Variants in FAM13A observed in about 807,000 individuals in gnomAD.
The protein encoded by FAM13A is protein FAM13A.
FAM13A carries 76 observed loss-of-function variants against 129.6 expected under a neutral mutation model. The ratio of observed to expected loss-of-function variants is 0.59; its 90% confidence interval spans 0.49 to 0.71. The LOEUF (loss-of-function observed/expected upper bound fraction) is 0.71, where lower values mean the gene tolerates loss of function less well. FAM13A is among the 30% of genes least tolerant of loss of function. The probability of loss-of-function intolerance (pLI) is 0.00; values close to 1 mark genes in which losing one functional copy is unlikely to be tolerated. For synonymous variants in FAM13A, 443 were observed against 449.9 expected (o/e 0.98, Z 0.20); for missense variants, 1,108 against 1,249.3 (o/e 0.89, Z 1.70).
intron 7 of FAM13A, chr4:88,823,255 TGTTCCA>T: frequency 7.8e-7 from 1 of 1,283,022 alleles, no homozygotes; most frequent in Non-Finnish European, 9.9e-7. Flanking sequence ...TTTGACCTTT[TGTTCCA>T]GGGAAGCAGC....
chr4:88,920,982 G>A (rs1455385988), intron 5 of FAM13A, among the ~76,000 whole-genome samples: 6 of 151,986 alleles, frequency 3.9e-5, no homozygotes, highest in South Asian at 2.1e-4. Context: ...GAAATGAAGC[G>A]AGAAGGGAAG....
intron 5 of FAM13A, among the ~76,000 whole-genome samples, chr4:88,934,861 A>G (rs1753600678): frequency 6.6e-6 from 1 of 152,216 alleles, no homozygotes; most frequent in African/African-American, 2.4e-5. Flanking sequence ...CAACATATAC[A>G]TTCTCATATT....
chr4:88,729,992 T>G (rs1737298953), intron 23 of FAM13A: 1 of 152,204 alleles, frequency 6.6e-6, no homozygotes, highest in Non-Finnish European at 1.5e-5. Flanking sequence ...GAAAAGCAAG[T>G]GTTTAGGTAT....
chr4:88,899,523 T>G (rs1315161466), intron 6 of FAM13A, among the ~76,000 whole-genome samples: 1 of 151,380 alleles, frequency 6.6e-6, no homozygotes, highest in East Asian at 1.9e-4. Context: ...ATAAATGTCA[T>G]GGTGGCTAGT....
intron 6 of FAM13A, among the ~76,000 whole-genome samples, chr4:88,876,112 T>A (rs528208496): frequency 2.6e-5 from 4 of 151,638 alleles, no homozygotes; most frequent in African/African-American, 4.9e-5. Context: ...GGACACAGGG[T>A]GGGGAACATC....
At chr4:88,888,391 T>C (rs1744786027) in intron 6 of FAM13A, among the ~76,000 whole-genome samples, 1 of 152,174 alleles carries the variant, frequency 6.6e-6, no homozygotes, top group South Asian at 2.1e-4. Context: ...AGTGAGAGGA[T>C]TTCTCTTGAG....
At chr4:88,753,595 A>G (rs1743068732) in intron 14 of FAM13A, 1 of 801,120 alleles carries the variant, frequency 1.2e-6, no homozygotes, top group Non-Finnish European at 1.5e-6. Context: ...AAGGTTTCTC[A>G]TCTATGCAAC....
At chr4:88,962,051 G>C (rs779331326) in intron 4 of FAM13A, among the ~76,000 whole-genome samples, 1 of 151,548 alleles carries the variant, frequency 6.6e-6, no homozygotes, top group African/African-American at 2.4e-5. Flanking sequence ...GTCAGGGAAA[G>C]AAGGTAACTA....
At chr4:88,969,486 T>C (rs1469159062) in intron 4 of FAM13A, among the ~76,000 whole-genome samples, 5 of 152,170 alleles carry the variant, frequency 3.3e-5, no homozygotes, top group African/African-American at 1.2e-4. Context: ...AAGGTCAGGA[T>C]GGGAAAATAA....
intron 5 of FAM13A, among the ~76,000 whole-genome samples, chr4:88,925,542 C>T (rs1420616372): frequency 9.3e-6 from 1 of 107,626 alleles, no homozygotes; most frequent in Non-Finnish European, 1.8e-5. Flanking sequence ...ACATCACACT[C>T]TGGGGACTGT....
chr4:89,009,423 A>G lies in FAM13A; in HGVS notation c.427+11037T>C, dbSNP rs368589975. Reference sequence around the variant, plus strand: ...CTTCCTTGGGCTGTAATAAGCTATAATCAATCAAATTGCTATAATGTATGT... The same window carrying G: ...CTTCCTTGGGCTGTAATAAGCTATAGTCAATCAAATTGCTATAATGTATGT... On this transcript the variant is annotated intron_variant, in intron 3 of 23. Transcript: ENST00000264344. 1.8e-4 allele frequency among the ~76,000 whole-genome samples: 28 copies of G among 152,322 alleles called. No homozygotes were observed. In the South Asian group the frequency reaches 4.8e-3, roughly 26 times the overall value.
intron 5 of FAM13A, among the ~76,000 whole-genome samples, chr4:88,927,061 G>A (rs1032284735): frequency 1.8e-4 from 27 of 151,816 alleles, no homozygotes; most frequent in Admixed American, 1.6e-3. Flanking sequence ...CTTTGTTATC[G>A]TGAACAGTGC....
At chr4:88,977,987 G>T (rs1411097180) in intron 4 of FAM13A, among the ~76,000 whole-genome samples, 6 of 152,034 alleles carry the variant, frequency 3.9e-5, no homozygotes, top group Non-Finnish European at 8.8e-5. Context: ...CTGAACCCAA[G>T]GAATAATAGA....
intron 2 of FAM13A, among the ~76,000 whole-genome samples, chr4:89,023,157 T>C (rs1289704473): frequency 6.6e-6 from 1 of 152,220 alleles, no homozygotes; most frequent in African/African-American, 2.4e-5. Flanking sequence ...TTCTGTGGAA[T>C]ATCAGGTTCT....
intron 7 of FAM13A, among the ~76,000 whole-genome samples, chr4:88,818,238 T>C (rs900176880): frequency 6.6e-6 from 1 of 152,134 alleles, no homozygotes; most frequent in Non-Finnish European, 1.5e-5. Flanking sequence ...TGACCTCCAG[T>C]GATCCCCCCC....
At chr4:88,908,217 T>C (rs1304117797) in intron 5 of FAM13A, among the ~76,000 whole-genome samples, 1 of 152,228 alleles carries the variant, frequency 6.6e-6, no homozygotes, top group Non-Finnish European at 1.5e-5. Flanking sequence ...TTTCTGGAAA[T>C]AGTGAATGAA....
chr4:88,730,667 C>T (rs1737521240), intron 23 of FAM13A, among the ~76,000 whole-genome samples: 1 of 152,226 alleles, frequency 6.6e-6, no homozygotes, highest in Non-Finnish European at 1.5e-5. Context: ...GCTAGGATTA[C>T]AGGCGTGAGC....
chr4:88,879,721 T>G (rs1288015738), intron 6 of FAM13A, among the ~76,000 whole-genome samples: 1 of 152,214 alleles, frequency 6.6e-6, no homozygotes, highest in African/African-American at 2.4e-5. Context: ...CCTACAGAAC[T>G]CTTTCCTTTT....
intron 6 of FAM13A, among the ~76,000 whole-genome samples, chr4:88,887,825 G>T (rs980464244): frequency 2.0e-5 from 3 of 152,068 alleles, no homozygotes; most frequent in African/African-American, 7.2e-5. Context: ...GAGCCACCGT[G>T]CCTGGTCCAT....
Sources: gnomAD v4.1 joint callset for allele counts (sites outside exome capture counted in the v4.1 genomes callset) on GRCh38, gnomAD v4.1.1 for gene constraint, MANE v1.5 for transcripts, NCBI Gene and HGNC (gene_info 2026-07-23, HGNC 2026-07-21) for gene names.